EFCAB6: variants seen among roughly 807,000 people sequenced by gnomAD.
The protein encoded by EFCAB6 is EF-hand calcium binding domain 6.
Under a neutral mutation model 169.8 loss-of-function variants are expected in EFCAB6, and 156 were observed. The observed-to-expected ratio is 0.92, with a 90% CI of 0.81 to 1.05. The LOEUF (loss-of-function observed/expected upper bound fraction) is 1.05. EFCAB6 is among the 50% of genes least tolerant of loss of function. The pLI is 0.00. For synonymous variants in EFCAB6, 698 were observed against 676.4 expected (o/e 1.03, Z -0.50); for missense variants, 1,800 against 1,829.1 (o/e 0.98, Z 0.29).
intron 2 of EFCAB6, chr22:43,802,874 T>C (rs189040372): frequency 2.8e-6 from 1 of 355,106 alleles, no homozygotes; most frequent in Admixed American, 3.1e-5. Context: ...AGCTATATTG[T>C]TAGCACACAG....
intron 8 of EFCAB6, among the ~76,000 whole-genome samples, chr22:43,723,103 A>G (rs1215505268): frequency 6.6e-6 from 1 of 152,220 alleles, no homozygotes; most frequent in Non-Finnish European, 1.5e-5. Flanking sequence ...AGAGAACTAG[A>G]ATTAAAAGTG....
chr22:43,563,643 T>C (rs1405813213), intron 26 of EFCAB6, among the ~76,000 whole-genome samples: 3 of 152,336 alleles, frequency 2.0e-5, no homozygotes, highest in East Asian at 3.9e-4. Context: ...CCTCAAGGCA[T>C]GTGGCCCAGA....
At position 43,580,563 on chromosome 22, in the gene EFCAB6, T is replaced by G. The variant is rs777593704; in HGVS notation, c.3129A>C (p.Lys1043Asn). Reference protein sequence around the residue: ...SKSTGAQPKEKEESMPINFAT... With the variant: ...SKSTGAQPKENEESMPINFAT... Reference sequence around the variant, plus strand: ...CAAAATTGATTGGCATGCTCTCTTCTTTTTCCTTGGGCTGAGCTCCTGTTG... The same window carrying G: ...CAAAATTGATTGGCATGCTCTCTTCGTTTTCCTTGGGCTGAGCTCCTGTTG... The change falls in exon 25 of 32, where the codon AAA becomes AAC. Residue 1043 changes from lysine (K) to asparagine (N), a missense_variant. Physicochemically the swap from Lys to Asn is moderately conservative, Grantham distance 94 (BLOSUM62 0). Transcript: ENST00000262726. 4.3e-6 allele frequency: 7 copies of G among 1,614,212 alleles called. No individual in the cohort carries two copies. The highest frequency in any genetic ancestry group is 5.9e-6 in the Non-Finnish European group (7 of 1,180,040).
intron 27 of EFCAB6, among the ~76,000 whole-genome samples, chr22:43,542,041 C>T (rs2047763718): frequency 6.6e-6 from 1 of 152,258 alleles, no homozygotes; most frequent in South Asian, 2.1e-4. Flanking sequence ...GAGGCCCTCT[C>T]ATGGAGCAGG....
At chr22:43,710,036 T>TA (rs2059104606) in intron 10 of EFCAB6, among the ~76,000 whole-genome samples, 1 of 152,208 alleles carries the variant, frequency 6.6e-6, no homozygotes, top group Non-Finnish European at 1.5e-5. Context: ...AAGGCACCTA[T>TA]CAATTACCCA....
At chr22:43,563,505 T>C (rs917983155) in intron 26 of EFCAB6, among the ~76,000 whole-genome samples, 6 of 152,092 alleles carry the variant, frequency 3.9e-5, no homozygotes, top group Admixed American at 3.3e-4. Context: ...GCTGATGCCA[T>C]GGCGAGGCCT....
intron 6 of EFCAB6, among the ~76,000 whole-genome samples, chr22:43,737,464 C>T (rs1440434658): frequency 1.4e-5 from 2 of 141,058 alleles, no homozygotes; most frequent in Admixed American, 7.1e-5. Context: ...ACACACACAC[C>T]CCTGTGCATA....
intron 1 of EFCAB6, 41 bp from the exon 2 acceptor site, chr22:43,809,172 T>C (rs1388661326): frequency 6.6e-6 from 1 of 152,120 alleles, no homozygotes; most frequent in Non-Finnish European, 1.5e-5. Flanking sequence ...GACCTATTTT[T>C]CCAGATGAAT....
At chr22:43,566,617 T>C (rs974155954) in intron 26 of EFCAB6, among the ~76,000 whole-genome samples, 1 of 152,240 alleles carries the variant, frequency 6.6e-6, no homozygotes, top group African/African-American at 2.4e-5. Context: ...AGATGGAGAT[T>C]GTCTGACTCC....
chr22:43,648,740 G>A (rs779127600), intron 17 of EFCAB6, among the ~76,000 whole-genome samples: 5 of 152,142 alleles, frequency 3.3e-5, no homozygotes, highest in Non-Finnish European at 5.9e-5. Context: ...TAATAATAAC[G>A]AAGAAGAAGA....
intron 20 of EFCAB6, among the ~76,000 whole-genome samples, chr22:43,618,170 GAAA>G (rs1569256918): frequency 2.8e-3 from 253 of 91,658 alleles, no homozygotes; most frequent in African/African-American, 4.3e-3. Context: ...AGGAAGGAAA[GAAA>G]GAAAGAAAGA....
At chr22:43,549,612 A>G (rs1019619262) in intron 27 of EFCAB6, among the ~76,000 whole-genome samples, 1 of 152,240 alleles carries the variant, frequency 6.6e-6, no homozygotes, top group Non-Finnish European at 1.5e-5. Context: ...TGTTCAATAA[A>G]TGGACAGCTC....
chr22:43,803,904 G>A (rs1007418346), intron 2 of EFCAB6, among the ~76,000 whole-genome samples: 1 of 152,070 alleles, frequency 6.6e-6, no homozygotes, highest in Non-Finnish European at 1.5e-5. Flanking sequence ...TTAGAGATGG[G>A]GTCTTGCTGT....
chr22:43,722,479 C>T (rs748024906), intron 8 of EFCAB6, among the ~76,000 whole-genome samples: 4 of 149,720 alleles, frequency 2.7e-5, no homozygotes, highest in Non-Finnish European at 3.0e-5. Flanking sequence ...TGCAGTGAGC[C>T]GGGATCGCGC....
intron 21 of EFCAB6, among the ~76,000 whole-genome samples, chr22:43,612,604 A>G (rs910782577): frequency 2.6e-5 from 4 of 152,316 alleles, no homozygotes; most frequent in Admixed American, 2.6e-4. Context: ...CTATCACTAA[A>G]AAGTCGGCCA....
At chr22:43,590,348 T>C (rs1017406643) in intron 23 of EFCAB6, 119 bp from the exon 24 acceptor site, 12 of 1,196,966 alleles carry the variant, frequency 1.0e-5, no homozygotes, top group African/African-American at 1.5e-5. Context: ...AGAACTAATT[T>C]TGAAGATGTT....
Position 43,653,405 on chromosome 22 carries a change from G to A in EFCAB6, c.1983+13699C>T, listed in dbSNP as rs758314787. On this transcript the variant is annotated intron_variant, in intron 17 of 31. Coordinates refer to ENST00000262726, the MANE Select transcript of EFCAB6 (RefSeq NM_022785.4). ...TGATAGAAGACATAGACCATGGAACGGTATCTTTAAAATGCCAGAAGAAAA... is the reference window on the plus strand; with the variant it reads ...TGATAGAAGACATAGACCATGGAACAGTATCTTTAAAATGCCAGAAGAAAA... 7.0e-4 allele frequency among the ~76,000 whole-genome samples: 107 copies of A among 152,250 alleles called. 2 individuals are homozygous for A. Among genetic ancestry groups the A allele is most frequent in the Middle Eastern group, 3.4e-3 (1 of 294 alleles).
chr22:43,646,374 T>C (rs2056156507), intron 17 of EFCAB6, among the ~76,000 whole-genome samples: 2 of 152,170 alleles, frequency 1.3e-5, no homozygotes, highest in Admixed American at 6.6e-5. Context: ...TGAGGGGTAA[T>C]TGAATAAAAT....
At chr22:43,623,661 C>G (rs1312029196) in intron 20 of EFCAB6, among the ~76,000 whole-genome samples, 1 of 146,558 alleles carries the variant, frequency 6.8e-6, no homozygotes, top group Non-Finnish European at 1.5e-5. Context: ...TTTGGGAGGC[C>G]AAGGTGGGCG....
Sources: allele counts gnomAD v4.1 joint callset (sites outside exome capture counted in the v4.1 genomes callset), GRCh38; gene constraint gnomAD v4.1.1; transcripts MANE v1.5; gene names NCBI Gene and HGNC (gene_info 2026-07-23, HGNC 2026-07-21).